Variants in GPR139 observed in about 807,000 individuals in gnomAD.
The protein encoded by GPR139 is probable G protein-coupled receptor 139.
In GPR139, 12 loss-of-function variants were observed where a neutral mutation model predicts 25.8. That is an observed-to-expected ratio of 0.47 (90% CI 0.30 to 0.75). The LOEUF is 0.75. Among genes scored for constraint, GPR139 ranks in the 30% least tolerant of loss-of-function variants. The probability of loss-of-function intolerance (pLI) is 0.07; values close to 1 mark genes in which losing one functional copy is unlikely to be tolerated. For synonymous variants in GPR139, 184 were observed against 179.9 expected, an observed-to-expected ratio of 1.02 and a Z score of -0.18; for missense variants, 380 against 450.2, an observed-to-expected ratio of 0.84 and a Z score of 1.41.
chr16:20,070,716 G>T (rs894167446), intron 1 of GPR139, among the ~76,000 whole-genome samples: 1 of 152,208 alleles, frequency 6.6e-6, no homozygotes, highest in East Asian at 1.9e-4. Flanking sequence ...CTTGGGGTGA[G>T]TCCACTGCCA....
At chr16:20,036,465 G>A (rs1326702721) in intron 1 of GPR139, among the ~76,000 whole-genome samples, 5 of 152,178 alleles carry the variant, frequency 3.3e-5, no homozygotes, top group African/African-American at 1.2e-4. Context: ...ACAAAGGAAA[G>A]GGGTTTAATT....
chr16:20,066,727 C>A (rs1276262004), intron 1 of GPR139, among the ~76,000 whole-genome samples: 1 of 152,214 alleles, frequency 6.6e-6, no homozygotes, highest in Non-Finnish European at 1.5e-5. Context: ...ATCCAGGGCA[C>A]AGAAGGTTAA....
In GPR139 at chr16:20,029,717, T is replaced by G. The variant is rs984821269; in HGVS notation, c.*2018A>C. Among the ~76,000 whole-genome samples, 1 of 152,126 alleles carries G rather than the reference T, an allele frequency of 6.6e-6. No homozygotes were observed. The highest frequency in any genetic ancestry group is 2.4e-5 in the African/African-American group (1 of 41,420). On this transcript the variant is annotated 3_prime_UTR_variant, in exon 2 of 2. Transcript: ENST00000570682. ...GCGTGGGAGATGGGAGATCTGTCCC[T>G]CAGTCAGACGACTTCCATGAACTTC... is the stretch of plus-strand genomic sequence containing the variant.
intron 1 of GPR139, among the ~76,000 whole-genome samples, chr16:20,051,715 G>A (rs1378018866): frequency 6.6e-6 from 1 of 152,236 alleles, no homozygotes; most frequent in African/African-American, 2.4e-5. Context: ...CCTGGGAGGA[G>A]GCACAGAGAA....
chr16:20,061,061 C>CTG (rs58567910), intron 1 of GPR139, among the ~76,000 whole-genome samples: 3 of 134,676 alleles, frequency 2.2e-5, no homozygotes, highest in Non-Finnish European at 3.2e-5. Context: ...AGTCTTTCCT[C>CTG]TGTGTGTGTG....
At chr16:20,070,608 G>A (rs1379364825) in intron 1 of GPR139, among the ~76,000 whole-genome samples, 1 of 152,224 alleles carries the variant, frequency 6.6e-6, no homozygotes, top group Non-Finnish European at 1.5e-5. Context: ...CCACTTTCCT[G>A]TGATACTAGC....
Position 20,073,342 on chromosome 16 carries a change from C to G in GPR139, c.127+148G>C, listed in dbSNP as rs1000067567. ...AGGGCACAGCAACTTCCTTTCCCCC[C>G]GTGTGGAAATATCCATAGTTGCCCT... On this transcript the variant is annotated intron_variant, in intron 1 of 1. Coordinates refer to ENST00000570682, the MANE Select transcript of GPR139 (RefSeq NM_001002911.4). This position sits in a 1 kb window ranked among gnomAD's most constrained non-coding sequence, Gnocchi z 4.7. 2.9e-4 allele frequency: 353 copies of G among 1,197,904 alleles called. No homozygotes were observed. The highest frequency in any genetic ancestry group is 3.8e-4 in the Non-Finnish European group (328 of 852,368). The allele number at this position is 1,197,904 out of a possible 1,614,324, so 74.2% of individuals were successfully genotyped here. A position where few individuals can be genotyped will look rare whatever the true frequency, so the allele number is the denominator to read the frequency against.
intron 1 of GPR139, among the ~76,000 whole-genome samples, chr16:20,055,534 A>G (rs2057385985): frequency 1.3e-5 from 2 of 152,226 alleles, no homozygotes; most frequent in Admixed American, 6.5e-5. Context: ...CCGATGGAGA[A>G]TTAGATGCCA....
chr16:20,072,831 T>C (rs936754915), intron 1 of GPR139, among the ~76,000 whole-genome samples: 3 of 152,122 alleles, frequency 2.0e-5, no homozygotes, highest in African/African-American at 7.2e-5. Flanking sequence ...CCCCCTGAGG[T>C]GGCAGCCACC....
intron 1 of GPR139, among the ~76,000 whole-genome samples, chr16:20,053,939 A>C (rs879660791): frequency 6.6e-6 from 1 of 152,118 alleles, no homozygotes; most frequent in Non-Finnish European, 1.5e-5. Flanking sequence ...GACGTGGAGT[A>C]ATATTTTGTT....
Position 20,031,554 on chromosome 16 carries a change from G to A in GPR139, c.*181C>T. On this transcript the variant is annotated 3_prime_UTR_variant, in exon 2 of 2. Transcript: ENST00000570682. ...GAAATAAATGCATAAGTAAAAACAA[G>A]CTTCATGCTCTCCTTTCTTCTCTTC... The A allele has an allele frequency of 1.7e-6, 1 of 604,012 alleles. No homozygotes were observed. Among genetic ancestry groups the A allele is most frequent in the African/African-American group, 1.8e-5 (1 of 54,090 alleles). 37.4% of individuals were successfully genotyped at this position (604,012 alleles called of 1,614,324 possible). A position where few individuals can be genotyped will look rare whatever the true frequency, so the allele number is the denominator to read the frequency against.
At chr16:20,063,396 G>A (rs2057420821) in intron 1 of GPR139, among the ~76,000 whole-genome samples, 1 of 152,226 alleles carries the variant, frequency 6.6e-6, no homozygotes, top group Admixed American at 6.5e-5. Context: ...TAGCTACTCA[G>A]GAGGCTGAGA....
chr16:20,073,760 GC>G lies in GPR139; in HGVS notation c.-145del, dbSNP rs1257893756. 2.2e-5 allele frequency: 23 copies of G among 1,063,138 alleles called. No individual in the cohort carries two copies. Among genetic ancestry groups the G allele is most frequent in the Non-Finnish European group, 3.0e-5 (23 of 766,622 alleles). The allele number at this position is 1,063,138 out of a possible 1,614,324, so 65.9% of individuals were successfully genotyped here. Reference sequence around the variant, plus strand: ...CCCGCAGGACTGGCTCCTACCCTTGGCCGTGATCCCCTCTGCTCGCTCCGCA... The same window carrying G: ...CCCGCAGGACTGGCTCCTACCCTTGGCGTGATCCCCTCTGCTCGCTCCGCA... On this transcript the variant is annotated 5_prime_UTR_variant, in exon 1 of 2. Transcript: ENST00000570682. This position sits in a 1 kb window ranked among gnomAD's most constrained non-coding sequence, Gnocchi z 4.7.
At chr16:20,059,847 C>G (rs1207351585) in intron 1 of GPR139, among the ~76,000 whole-genome samples, 1 of 152,182 alleles carries the variant, frequency 6.6e-6, no homozygotes, top group Non-Finnish European at 1.5e-5. Flanking sequence ...AACGTTGCAG[C>G]ACTGAACTCA....
At position 20,031,337 on chromosome 16, in the gene GPR139, C is replaced by A; in HGVS notation, c.*398G>T. On this transcript the variant is annotated 3_prime_UTR_variant, in exon 2 of 2. Transcript: ENST00000570682. Reference sequence around the variant, plus strand: ...GACCTCAGCTCTCGGAAGAAGAGTGCAGGCTCAGCTATGTGCTACTGGGGC... The same window carrying A: ...GACCTCAGCTCTCGGAAGAAGAGTGAAGGCTCAGCTATGTGCTACTGGGGC... 4.8e-6 allele frequency: 1 copy of A among 207,832 alleles called. No homozygotes were observed. The highest frequency in any genetic ancestry group is 1.2e-4 in the East Asian group (1 of 8,664). The allele number at this position is 207,832 out of a possible 1,614,324, so 12.9% of individuals were successfully genotyped here.
intron 1 of GPR139, among the ~76,000 whole-genome samples, chr16:20,058,565 C>T (rs1012737548): frequency 6.6e-6 from 1 of 152,172 alleles, no homozygotes; most frequent in African/African-American, 2.4e-5. Context: ...CCACCTTTTT[C>T]TTCCCTCTTC....
At chr16:20,066,475 T>G (rs1195479089) in intron 1 of GPR139, among the ~76,000 whole-genome samples, 2 of 152,244 alleles carry the variant, frequency 1.3e-5, no homozygotes, top group Non-Finnish European at 2.9e-5. Flanking sequence ...CTTAATCTAT[T>G]GGATCATTCT....
chr16:20,044,611 G>T (rs1262973741), intron 1 of GPR139, among the ~76,000 whole-genome samples: 1 of 152,152 alleles, frequency 6.6e-6, no homozygotes, highest in African/African-American at 2.4e-5. Flanking sequence ...TGTTCCCTCA[G>T]AGCAGCTAAT....
intron 1 of GPR139, among the ~76,000 whole-genome samples, chr16:20,054,405 T>A (rs933694297): frequency 8.5e-5 from 7 of 82,114 alleles, no homozygotes; most frequent in Admixed American, 2.4e-4. Flanking sequence ...GCATAATTGT[T>A]CTTATCAGTT....
Sources: allele counts gnomAD v4.1 joint callset (sites outside exome capture counted in the v4.1 genomes callset), GRCh38; gene constraint gnomAD v4.1.1; non-coding constraint Gnocchi (gnomAD v3.1); transcripts MANE v1.5; gene names NCBI Gene and HGNC (gene_info 2026-07-23, HGNC 2026-07-21).